The following HDAC9 variants were observed in gnomAD, a reference collection of about 807,000 sequenced individuals.
HDAC9 encodes histone deacetylase 9.
Under a neutral mutation model 139.4 loss-of-function variants are expected in HDAC9, and 41 were observed. That is an observed-to-expected ratio of 0.29 (90% CI 0.23 to 0.38). The LOEUF is 0.38. Ranked by LOEUF, HDAC9 falls within the 10% of genes least tolerant of loss-of-function variation. The pLI is 1.00. For synonymous variants in HDAC9, 517 were observed against 476.2 expected (o/e 1.09, Z -1.12); for missense variants, 1,147 against 1,297.0 (o/e 0.88, Z 1.78).
intron 2 of HDAC9, among the ~76,000 whole-genome samples, chr7:18,511,781 C>G (rs1020917630): frequency 6.6e-6 from 1 of 152,030 alleles, no homozygotes; most frequent in African/African-American, 2.4e-5. Flanking sequence ...TCTTCACACC[C>G]CTGCCAATAT....
intron 2 of HDAC9, among the ~76,000 whole-genome samples, chr7:18,524,367 T>C (rs1028814086): frequency 3.9e-5 from 6 of 152,186 alleles, no homozygotes; most frequent in South Asian, 2.1e-4. Flanking sequence ...ATGTGGGTTA[T>C]TGCTTTTTCT....
chr7:18,602,962 T>A (rs1466745806), intron 6 of HDAC9, among the ~76,000 whole-genome samples: 1 of 152,094 alleles, frequency 6.6e-6, no homozygotes, highest in African/African-American at 2.4e-5. Flanking sequence ...TTTTGCCTCA[T>A]GTATTTTGAT....
At chr7:18,381,782 T>C (rs918987206) in intron 1 of HDAC9, among the ~76,000 whole-genome samples, 2 of 152,134 alleles carry the variant, frequency 1.3e-5, no homozygotes, top group Non-Finnish European at 2.9e-5. Context: ...AAATACATGC[T>C]GACAAGAGAG....
At chr7:18,194,368 A>G (rs1343952217) in intron 2 of HDAC9, among the ~76,000 whole-genome samples, 1 of 152,066 alleles carries the variant, frequency 6.6e-6, no homozygotes, top group South Asian at 2.1e-4. Flanking sequence ...TTTCTATCCT[A>G]TTGAAATTAA....
At chr7:18,363,613 T>C (rs1366323522) in intron 1 of HDAC9, among the ~76,000 whole-genome samples, 1 of 152,170 alleles carries the variant, frequency 6.6e-6, no homozygotes, top group South Asian at 2.1e-4. Flanking sequence ...AACCACTAAG[T>C]TTCTCCATCT....
chr7:18,857,742 G>A (rs929756347), intron 21 of HDAC9, among the ~76,000 whole-genome samples: 1 of 152,092 alleles, frequency 6.6e-6, no homozygotes, highest in African/African-American at 2.4e-5. Flanking sequence ...GAGATTCACT[G>A]TAGATGTTCA....
chr7:18,198,106 CT>C (rs1253017124), intron 2 of HDAC9, among the ~76,000 whole-genome samples: 1 of 151,952 alleles, frequency 6.6e-6, no homozygotes, highest in East Asian at 1.9e-4. Context: ...TTTTATATCC[CT>C]TTTTTGAATG....
chr7:18,972,369 C>CTTTTTTT lies in HDAC9; in HGVS notation c.3023-3414_3023-3408dup, dbSNP rs199909134. Among the ~76,000 whole-genome samples the CTTTTTTT allele has an allele frequency of 2.2e-4, 21 of 94,896 alleles. 1 individual carries two copies. Among genetic ancestry groups the CTTTTTTT allele is most frequent in the South Asian group, 3.4e-4 (1 of 2,970 alleles). The allele number at this position is 94,896 out of a possible 152,430, so 62.3% of individuals were successfully genotyped here. On this transcript the variant is annotated intron_variant, in intron 24 of 25. Coordinates refer to ENST00000686413, the MANE Select transcript of HDAC9 (RefSeq NM_178425.4). ...TTAGCTCAATTTTCGATGAACTTCT[C>CTTTTTTT]TTTTTTTTTTTTTTTTTTTTTTTTT...
At position 18,932,253 on chromosome 7, in the gene HDAC9, T is replaced by G. The variant is rs75448622; in HGVS notation, c.2804-3556T>G. 7.1e-3 allele frequency among the ~76,000 whole-genome samples: 1,074 copies of G among 152,290 alleles called. 9 individuals are homozygous for G. Among genetic ancestry groups the G allele is most frequent in the East Asian group, 0.043 (221 of 5,186 alleles). On this transcript the variant is annotated intron_variant, in intron 22 of 25. Transcript: ENST00000686413. ...GTTCTACTGAAACACGTGTTTTCAT[T>G]TATTTTTATTTACCGTACCTTTTGG... is the stretch of plus-strand genomic sequence containing the variant.
Position 18,278,282 on chromosome 7 carries a change from G to C in HDAC9, c.25+115933G>C, listed in dbSNP as rs763920457. Among the ~76,000 whole-genome samples, 112 of 152,334 alleles carry C rather than the reference G, an allele frequency of 7.4e-4. 1 individual carries two copies. Among genetic ancestry groups the C allele is most frequent in the Non-Finnish European group, 1.1e-3 (76 of 68,028 alleles). ...CGTCAAGAGATTAGCTTCGTGTCTA[G>C]AGTCTGCCTAAACAGTTCCAAGGTG... On this transcript the variant is annotated intron_variant, in intron 2 of 12. Coordinates refer to the HDAC9 transcript ENST00000417496.
intron 2 of HDAC9, among the ~76,000 whole-genome samples, chr7:18,520,504 C>A (rs183746423): frequency 1.3e-5 from 2 of 152,216 alleles, no homozygotes; most frequent in Admixed American, 6.5e-5. Context: ...GTATGATGAA[C>A]CATGTAGACA....
At chr7:18,276,072 G>A (rs1796698653) in intron 2 of HDAC9, among the ~76,000 whole-genome samples, 1 of 152,160 alleles carries the variant, frequency 6.6e-6, no homozygotes, top group Non-Finnish European at 1.5e-5. Context: ...TATCTATAAT[G>A]TAACAATTTA....
chr7:18,096,220 T>C (rs1165542408), intron 1 of HDAC9, among the ~76,000 whole-genome samples: 5 of 152,210 alleles, frequency 3.3e-5, no homozygotes, highest in Non-Finnish European at 2.9e-5. Flanking sequence ...TTCACACTCA[T>C]GATGATTATA....
chr7:18,234,678 A>T (rs763575732), intron 2 of HDAC9, among the ~76,000 whole-genome samples: 1 of 152,186 alleles, frequency 6.6e-6, no homozygotes, highest in African/African-American at 2.4e-5. Context: ...AGCATGTCCT[A>T]TTGTTTTTTG....
rs551440117 is a variant in HDAC9 at position 18,478,442 on chromosome 7, C to G, written c.-41-17820C>G. Among the ~76,000 whole-genome samples, 27 of 152,172 alleles carry G rather than the reference C, an allele frequency of 1.8e-4. 1 individual carries two copies. The highest frequency in any genetic ancestry group is 3.2e-4 in the Non-Finnish European group (22 of 68,026). ...GCTGCACTCTCAGGATGATGGGCTG[C>G]GCATTATTAGCTCATTCCTTTTATG... On this transcript the variant is annotated intron_variant, in intron 1 of 3. Transcript: ENST00000413509.
At chr7:18,416,548 G>C (rs1361799646) in intron 1 of HDAC9, among the ~76,000 whole-genome samples, 2 of 151,916 alleles carry the variant, frequency 1.3e-5, no homozygotes, top group African/African-American at 4.8e-5. Flanking sequence ...TTTCTCTGTG[G>C]GAAGGTGTTT....
intron 17 of HDAC9, among the ~76,000 whole-genome samples, chr7:18,810,963 A>G (rs1794127864): frequency 6.6e-6 from 1 of 151,868 alleles, no homozygotes; most frequent in African/African-American, 2.4e-5. Flanking sequence ...TTGTTTTTGG[A>G]CATATATTTT....
At chr7:18,954,805 A>G (rs1213516196) in intron 24 of HDAC9, among the ~76,000 whole-genome samples, 3 of 152,066 alleles carry the variant, frequency 2.0e-5, no homozygotes, top group Non-Finnish European at 2.9e-5. Context: ...GAGGAAAACC[A>G]AAGGGCACTA....
intron 11 of HDAC9, among the ~76,000 whole-genome samples, chr7:18,659,084 A>T (rs2285441): frequency 6.6e-6 from 1 of 152,110 alleles, no homozygotes; most frequent in African/African-American, 2.4e-5. Context: ...AGAAAATCAG[A>T]TGTTTATGAG....
Sources: gnomAD v4.1 joint callset for allele counts (sites outside exome capture counted in the v4.1 genomes callset) on GRCh38, gnomAD v4.1.1 for gene constraint, MANE v1.5 for transcripts, NCBI Gene and HGNC (gene_info 2026-07-23, HGNC 2026-07-21) for gene names.